The following SCMH1 variants were observed in gnomAD, a reference collection of about 807,000 sequenced individuals.
SCMH1 encodes polycomb protein SCMH1.
A neutral mutation model predicts 70.8 loss-of-function variants in SCMH1; 37 were observed. The ratio of observed to expected loss-of-function variants is 0.52; its 90% confidence interval spans 0.40 to 0.69. The LOEUF (loss-of-function observed/expected upper bound fraction) is 0.69. Ranked by LOEUF, SCMH1 falls within the 30% of genes least tolerant of loss-of-function variation. SCMH1 has a pLI of 0.00. For synonymous variants in SCMH1, 292 were observed against 307.4 expected (o/e 0.95, Z 0.52); for missense variants, 607 against 827.3 (o/e 0.73, Z 3.27).
chr1:41,117,150 A>C lies in SCMH1; in HGVS notation c.413-140T>G, dbSNP rs1194306535. On this transcript the variant is annotated intron_variant, in intron 6 of 14. Coordinates refer to ENST00000337495, the Ensembl canonical transcript of SCMH1. ...GTATAATAAAATATATAAAATAAGA[A>C]TAGTTATACTAGATATAGATCATAG... The C allele has an allele frequency of 2.8e-5, 13 of 460,452 alleles. No homozygotes were observed. In the Admixed American group the frequency reaches 5.2e-4, roughly 18 times the overall value. The allele number at this position is 460,452 out of a possible 1,614,324, so 28.5% of individuals were successfully genotyped here.
intron 7 of SCMH1, 150 bp downstream of exon 7, chr1:41,116,772 G>C: frequency 2.0e-6 from 1 of 507,660 alleles, no homozygotes; most frequent in African/African-American, 2.0e-5. Context: ...TATTCCTCTG[G>C]GGATAATTGC....
At chr1:41,204,583 T>C (rs1265262699) in intron 1 of SCMH1, among the ~76,000 whole-genome samples, 1 of 152,176 alleles carries the variant, frequency 6.6e-6, no homozygotes, top group African/African-American at 2.4e-5. Context: ...GCCTTTACAC[T>C]CCCTGGAATG....
chr1:41,131,458 T>C (rs910389384), intron 6 of SCMH1, among the ~76,000 whole-genome samples: 1 of 152,228 alleles, frequency 6.6e-6, no homozygotes, highest in African/African-American at 2.4e-5. Flanking sequence ...ACTGCATCTA[T>C]AGATCAATTT....
At position 41,028,392 on chromosome 1, in the gene SCMH1, G is replaced by A. The variant is rs1644029212; in HGVS notation, c.1822-73C>T. 21 of 1,585,604 alleles carry A rather than the reference G, an allele frequency of 1.3e-5. 1 individual carries two copies. The South Asian group carries it at 2.1e-4, about 16-fold the overall frequency. ...GTCCTGGTTGGTCTGACCACCCCAG[G>A]TTCTGATTATAGGCCATCCTGGGAA... is the stretch of plus-strand genomic sequence containing the variant. On this transcript the variant is annotated intron_variant, in intron 14 of 14. Coordinates refer to ENST00000337495, the Ensembl canonical transcript of SCMH1.
At chr1:41,135,932 C>T (rs1376612259) in intron 6 of SCMH1, among the ~76,000 whole-genome samples, 1 of 150,944 alleles carries the variant, frequency 6.6e-6, no homozygotes, top group South Asian at 2.1e-4. Flanking sequence ...TCCTTGAAAA[C>T]TTTTGTATAT....
intron 13 of SCMH1, 31 bp from the exon 14 acceptor site, chr1:41,034,079 T>G (rs1571197393): frequency 6.3e-7 from 1 of 1,585,802 alleles, no homozygotes. Flanking sequence ...TGTCACCATC[T>G]CCAGTTTGCA....
intron 2 of SCMH1, among the ~76,000 whole-genome samples, chr1:41,172,045 T>C (rs1205704163): frequency 6.6e-6 from 1 of 151,866 alleles, no homozygotes; most frequent in Non-Finnish European, 1.5e-5. Flanking sequence ...TACAAAAAGT[T>C]AGCCAGGATG....
At chr1:41,062,373 G>A (rs1012330917) in intron 10 of SCMH1, among the ~76,000 whole-genome samples, 9 of 152,000 alleles carry the variant, frequency 5.9e-5, no homozygotes, top group Admixed American at 3.9e-4. Flanking sequence ...GGAGGCCGAG[G>A]TGGGTGGATC....
chr1:41,138,957 T>C (rs1643782151), intron 6 of SCMH1, among the ~76,000 whole-genome samples: 1 of 152,178 alleles, frequency 6.6e-6, no homozygotes, highest in African/African-American at 2.4e-5. Context: ...GGCAGGGAAC[T>C]TGGGTCATGA....
chr1:41,081,130 A>T (rs1327387681), intron 8 of SCMH1, among the ~76,000 whole-genome samples: 1 of 152,212 alleles, frequency 6.6e-6, no homozygotes, highest in Admixed American at 6.5e-5. Context: ...AAAATTATTT[A>T]AAAATCCACA....
At chr1:41,192,495 G>GACACACACAC (rs55940657) in intron 1 of SCMH1, among the ~76,000 whole-genome samples, 4,582 of 148,698 alleles carry the variant, frequency 0.031, 108 homozygotes, top group East Asian at 0.078. Context: ...TTAAATAGGA[G>GACACACACAC]ACACACACAC....
intron 10 of SCMH1, among the ~76,000 whole-genome samples, chr1:41,055,557 G>T (rs1649948411): frequency 6.6e-6 from 1 of 152,146 alleles, no homozygotes; most frequent in East Asian, 1.9e-4. Context: ...CACTGTGTTA[G>T]CCAGGACCTT....
chr1:41,235,593 A>G (rs924926143), intron 1 of SCMH1, among the ~76,000 whole-genome samples: 5 of 148,130 alleles, frequency 3.4e-5, no homozygotes, highest in African/African-American at 1.0e-4. Flanking sequence ...AAAAAAAAAA[A>G]AAAGAAAAGT....
intron 8 of SCMH1, among the ~76,000 whole-genome samples, chr1:41,094,916 A>C (rs994628195): frequency 1.3e-5 from 2 of 151,826 alleles, no homozygotes; most frequent in Non-Finnish European, 2.9e-5. Flanking sequence ...TCTTTTTCCT[A>C]GACAGCCATA....
chr1:41,127,180 ATCATT>A (rs1188343013), intron 6 of SCMH1, among the ~76,000 whole-genome samples: 1 of 152,028 alleles, frequency 6.6e-6, no homozygotes, highest in East Asian at 1.9e-4. Context: ...ATGCCTTAAG[ATCATT>A]TTTCTATAGG....
chr1:41,073,098 GA>G (rs1450436366), intron 9 of SCMH1, among the ~76,000 whole-genome samples: 1 of 152,166 alleles, frequency 6.6e-6, no homozygotes, highest in Non-Finnish European at 1.5e-5. Flanking sequence ...GGCAATCACA[GA>G]ATCAGTTTTT....
chr1:41,067,758 G>C (rs548994022), intron 10 of SCMH1, among the ~76,000 whole-genome samples: 2 of 152,144 alleles, frequency 1.3e-5, no homozygotes, highest in Non-Finnish European at 2.9e-5. Context: ...AAAACCCACA[G>C]AACGTAAAAC....
chr1:41,048,702 C>G, exon 11 of SCMH1: 1 of 1,614,074 alleles, frequency 6.2e-7, no homozygotes, highest in Non-Finnish European at 8.5e-7. Flanking sequence ...GAGATAACCT[C>G]ACCACCATGG....
At chr1:41,070,984 T>C (rs1344259918) in intron 9 of SCMH1, among the ~76,000 whole-genome samples, 1 of 152,162 alleles carries the variant, frequency 6.6e-6, no homozygotes, top group African/African-American at 2.4e-5. Flanking sequence ...AGATTCAATA[T>C]TATCATATGA....
Sources: gnomAD v4.1 joint callset for allele counts (sites outside exome capture counted in the v4.1 genomes callset) on GRCh38, gnomAD v4.1.1 for gene constraint, MANE v1.5 for transcripts, NCBI Gene and HGNC (gene_info 2026-07-23, HGNC 2026-07-21) for gene names.